THNSL1: variants seen among roughly 807,000 people sequenced by gnomAD.
The protein encoded by THNSL1 is threonine synthase like 1, also known as threonine synthase-like 1.
Under a neutral mutation model 50.4 loss-of-function variants are expected in THNSL1, and 48 were observed. The ratio of observed to expected loss-of-function variants is 0.95; its 90% confidence interval spans 0.76 to 1.21. THNSL1 has a LOEUF of 1.21. THNSL1 is among the 50% of genes most tolerant of loss of function. THNSL1 has a pLI of 0.00. For synonymous variants in THNSL1, 309 were observed against 306.1 expected (o/e 1.01, Z -0.10); for missense variants, 896 against 871.7 (o/e 1.03, Z -0.35).
upstream of THNSL1, among the ~76,000 whole-genome samples, chr10:25,014,903 AG>A (rs1446975686): frequency 2.0e-5 from 3 of 152,218 alleles, no homozygotes; most frequent in African/African-American, 7.2e-5. Flanking sequence ...TAGATCTAAA[AG>A]GGGCCTTGGA....
At chr10:24,989,548 G>A in the THNSL1 span, among the ~76,000 whole-genome samples, 9 of 152,210 alleles carry the variant, frequency 5.9e-5, no homozygotes, top group South Asian at 1.9e-3. Flanking sequence ...TAGATCCATA[G>A]TACCTCTCAC....
chr10:24,954,719 A>G, the THNSL1 span, among the ~76,000 whole-genome samples: 4 of 152,328 alleles, frequency 2.6e-5, no homozygotes, highest in East Asian at 5.8e-4. Flanking sequence ...AATAGTTTTT[A>G]AAAATCTAAT....
chr10:24,969,914 A>C, the THNSL1 span, among the ~76,000 whole-genome samples: 77 of 152,342 alleles, frequency 5.1e-4, no homozygotes, highest in African/African-American at 1.8e-3. Flanking sequence ...GATACACGGA[A>C]AAGAAAAAGA....
the THNSL1 span, among the ~76,000 whole-genome samples, chr10:25,003,169 A>T: frequency 7.6e-3 from 1,139 of 150,120 alleles, 10 homozygotes; most frequent in East Asian, 0.026. Context: ...TTAATTAATT[A>T]ATTAATTAAT....
At position 25,024,070 on chromosome 10, in the gene THNSL1, C is replaced by T; in HGVS notation, c.847C>T (p.Leu283=). The stretch of plus-strand genomic sequence containing the variant: ...ATTAAGCTGCGGGGAGTGGAAAAGC[C>T]TAGTAGGAGCAACCTACGTAGAAAG... ...PKLSCGEWKS[L]VGATYVERAQ... The change falls in exon 3 of 3, where the codon CTA becomes TTA. Residue 283 remains leucine, a synonymous_variant. Transcript: ENST00000376356. 1 of 1,614,134 alleles carries T rather than the reference C, an allele frequency of 6.2e-7. No individual in the cohort carries two copies. The highest frequency in any genetic ancestry group is 1.3e-5 in the African/African-American group (1 of 75,054).
the THNSL1 span, among the ~76,000 whole-genome samples, chr10:24,979,178 G>A: frequency 1.3e-5 from 2 of 152,300 alleles, no homozygotes; most frequent in African/African-American, 4.8e-5. Context: ...TTCCTTAACT[G>A]CCGAAAAATT....
the THNSL1 span, among the ~76,000 whole-genome samples, chr10:24,985,681 C>T: frequency 6.6e-6 from 1 of 152,176 alleles, no homozygotes; most frequent in Non-Finnish European, 1.5e-5. Context: ...TCACAGTGCC[C>T]TATGGGCTCC....
intron 1 of THNSL1, among the ~76,000 whole-genome samples, chr10:25,020,626 G>T (rs1554772190): frequency 6.6e-6 from 1 of 151,800 alleles, no homozygotes; most frequent in Non-Finnish European, 1.5e-5. Context: ...AATTAGCTGG[G>T]TGTGGTGATG....
At chr10:24,995,578 G>T in the THNSL1 span, 1 of 1,322,798 alleles carries the variant, frequency 7.6e-7, no homozygotes, top group Non-Finnish European at 1.1e-6. Flanking sequence ...TAACATAGAT[G>T]ATCATCATGA....
chr10:24,981,669 C>T, the THNSL1 span, among the ~76,000 whole-genome samples: 1 of 152,154 alleles, frequency 6.6e-6, no homozygotes, highest in Non-Finnish European at 1.5e-5. Flanking sequence ...TGCTGTTACG[C>T]ACGTATTGTT....
chr10:24,995,912 A>G, the THNSL1 span: 3 of 1,477,346 alleles, frequency 2.0e-6, no homozygotes, highest in South Asian at 3.9e-5. Flanking sequence ...AACTACAAAC[A>G]CTGCTACTCA....
the THNSL1 span, chr10:24,984,424 T>C: frequency 6.4e-7 from 1 of 1,569,894 alleles, no homozygotes; most frequent in Non-Finnish European, 8.6e-7. Flanking sequence ...CTGACTTTAT[T>C]TTTCAGGACC....
the THNSL1 span, among the ~76,000 whole-genome samples, chr10:24,993,730 T>G: frequency 6.6e-6 from 1 of 152,220 alleles, no homozygotes; most frequent in Non-Finnish European, 1.5e-5. Context: ...AGGTGCACAG[T>G]GCTTTCATGG....
chr10:24,965,900 C>A, the THNSL1 span, among the ~76,000 whole-genome samples: 1 of 152,170 alleles, frequency 6.6e-6, no homozygotes, highest in Admixed American at 6.5e-5. Context: ...GAAACCTGGT[C>A]TTGTTTCTTG....
At chr10:24,958,674 A>C in the THNSL1 span, among the ~76,000 whole-genome samples, 1 of 152,266 alleles carries the variant, frequency 6.6e-6, no homozygotes, top group African/African-American at 2.4e-5. Context: ...AGCCAAGGCT[A>C]CACTCAATTG....
chr10:24,992,937 G>A, the THNSL1 span, among the ~76,000 whole-genome samples: 1 of 152,160 alleles, frequency 6.6e-6, no homozygotes. Flanking sequence ...CAATAATGGA[G>A]CTTCATCATG....
Position 25,025,160 on chromosome 10 carries a change from C to T in THNSL1, c.1937C>T (p.Ala646Val). ...GYILDPHTAVAKVVADRVQDK... is the reference protein window; with the variant it reads ...GYILDPHTAVVKVVADRVQDK... ...ATTTTGGATCCACACACTGCTGTTGCAAAAGTGGTTGCAGATAGGGTGCAA... is the reference window on the plus strand; with the variant it reads ...ATTTTGGATCCACACACTGCTGTTGTAAAAGTGGTTGCAGATAGGGTGCAA... Residue 646 changes from alanine (A) to valine (V), a missense_variant, in exon 3 of 3, where the codon GCA (alanine) becomes GTA (valine). By Grantham distance (64) the Ala-to-Val change is moderately conservative. Coordinates refer to ENST00000376356, the MANE Select transcript of THNSL1 (RefSeq NM_024838.5). 6.2e-7 allele frequency: 1 copy of T among 1,614,156 alleles called. No individual in the cohort carries two copies. The highest frequency in any genetic ancestry group is 1.7e-5 in the Admixed American group (1 of 60,026).
At chr10:24,977,056 T>C in the THNSL1 span, among the ~76,000 whole-genome samples, 536 of 152,286 alleles carry the variant, frequency 3.5e-3, 3 homozygotes, top group Middle Eastern at 0.014. Context: ...AAAGCATTGC[T>C]TTCTTAATGA....
the THNSL1 span, among the ~76,000 whole-genome samples, chr10:24,967,862 G>A: frequency 6.6e-6 from 1 of 151,628 alleles, no homozygotes; most frequent in African/African-American, 2.4e-5. Context: ...TGCGTATGAT[G>A]TATATGATGT....
Sources: gnomAD v4.1 joint callset for allele counts (sites outside exome capture counted in the v4.1 genomes callset) on GRCh38, gnomAD v4.1.1 for gene constraint, MANE v1.5 for transcripts, NCBI Gene and HGNC (gene_info 2026-07-23, HGNC 2026-07-21) for gene names.